Variants in DDOST observed in about 807,000 individuals in gnomAD.
The protein encoded by DDOST is dolichyl-diphosphooligosaccharide--protein glycosyltransferase non-catalytic subunit.
Under a neutral mutation model 47.6 loss-of-function variants are expected in DDOST, and 25 were observed. The observed-to-expected ratio is 0.53, with a 90% CI of 0.38 to 0.73. The LOEUF (loss-of-function observed/expected upper bound fraction) is 0.73, where lower values mean the gene tolerates loss of function less well. Among genes scored for constraint, DDOST ranks in the 30% least tolerant of loss-of-function variants. The probability of loss-of-function intolerance (pLI) is 0.00; values close to 1 mark genes in which losing one functional copy is unlikely to be tolerated. For synonymous variants in DDOST, 275 were observed against 236.0 expected (o/e 1.17, Z -1.51); for missense variants, 526 against 573.9 (o/e 0.92, Z 0.85).
Position 20,652,173 on chromosome 1 carries a change from C to A in DDOST, c.*206G>T, listed in dbSNP as rs2154534164. The A allele has an allele frequency of 8.0e-6, 4 of 499,930 alleles. No homozygotes were observed. The South Asian group carries it at 1.3e-4, about 16-fold the overall frequency. 31.0% of individuals were successfully genotyped at this position (499,930 alleles called of 1,614,324 possible). On this transcript the variant is annotated 3_prime_UTR_variant, in exon 11 of 11. Coordinates refer to ENST00000602624, the MANE Select transcript of DDOST (RefSeq NM_005216.5). Reference sequence around the variant, plus strand: ...GGAGTGACTGCACATAGGAAAAATGCCACTTTTAGCAATTCAAAGTGGAAA... The same window carrying A: ...GGAGTGACTGCACATAGGAAAAATGACACTTTTAGCAATTCAAAGTGGAAA...
At chr1:20,657,596 A>G (rs2154534337) in intron 2 of DDOST, among the ~76,000 whole-genome samples, 1 of 152,294 alleles carries the variant, frequency 6.6e-6, no homozygotes, top group Admixed American at 6.5e-5. Flanking sequence ...AACCGGAAGG[A>G]CGGACATGCC....
At position 20,661,334 on chromosome 1, in the gene DDOST, G is replaced by A; in HGVS notation, c.17C>T (p.Ala6Val). The A allele has an allele frequency of 6.2e-7, 1 of 1,613,334 alleles. No individual in the cohort carries two copies. Among genetic ancestry groups the A allele is most frequent in the Non-Finnish European group, 8.5e-7 (1 of 1,179,916 alleles). The change falls in exon 1 of 11, where the codon GCG becomes GTG. Residue 6 changes from alanine (A) to valine (V), a missense_variant. By Grantham distance (64) the Ala-to-Val change is moderately conservative. Transcript: ENST00000602624. ...CCAAAAGAGGGCCCAAGCCCGGGCCGCGGTGCTGGGCTCCATCTTCCTCCT... is the reference window on the plus strand; with the variant it reads ...CCAAAAGAGGGCCCAAGCCCGGGCCACGGTGCTGGGCTCCATCTTCCTCCT... MEPST[A>V]ARAWALFWLL...
chr1:20,652,766 C>T, intron 9 of DDOST, 39 bp from the exon 10 acceptor site: 1 of 1,613,806 alleles, frequency 6.2e-7, no homozygotes, highest in Non-Finnish European at 8.5e-7. Flanking sequence ...GAGGGGTTTC[C>T]CAGAGCTTTT....
chr1:20,655,713 A>G lies in DDOST; in HGVS notation c.419T>C (p.Ile140Thr), dbSNP rs376317784. The G allele has an allele frequency of 1.9e-4, 309 of 1,614,066 alleles. No individual in the cohort carries two copies. Among genetic ancestry groups the G allele is most frequent in the Non-Finnish European group, 2.4e-4 (279 of 1,180,030 alleles). ...TGAGATGTCATAGTTGTGATGGTCA[A>G]TGACAGCCGTTTTCTCCTCGTCAAA... ...IEFDEEKTAV[I>T]DHHNYDISDL... Residue 140 changes from isoleucine (I) to threonine (T), a missense_variant, in exon 4 of 11, where the codon ATT becomes ACT. Coordinates refer to ENST00000602624, the MANE Select transcript of DDOST (RefSeq NM_005216.5).
At position 20,655,522 on chromosome 1, in the gene DDOST, C is replaced by T. The variant is rs1169164301; in HGVS notation, c.469G>A (p.Val157Met). Residue 157 changes from valine (V) to methionine (M), a missense_variant, in exon 5 of 11, where the codon GTG becomes ATG. Transcript: ENST00000602624. ...TTCAGCAGGTTCTCAGTGTCAGCCA[C>T]GATGAGCGTATGCTGCAAAGAGTAG... ...ISDLGQHTLI[V>M]ADTENLLKAP... 4 of 1,613,948 alleles carry T rather than the reference C, an allele frequency of 2.5e-6. No homozygotes were observed. The highest frequency in any genetic ancestry group is 1.1e-5 in the South Asian group (1 of 91,078).
chr1:20,658,127 G>A (rs370545556), intron 2 of DDOST, among the ~76,000 whole-genome samples: 10 of 152,224 alleles, frequency 6.6e-5, no homozygotes, highest in East Asian at 1.9e-4. Flanking sequence ...GAGACCACCT[G>A]GAGTTAAAAC....
At position 20,654,308 on chromosome 1, in the gene DDOST, G is replaced by A. The variant is rs748804145; in HGVS notation, c.709C>T (p.Arg237Cys). 9 of 1,554,690 alleles carry A rather than the reference G, an allele frequency of 5.8e-6. No individual in the cohort carries two copies. The highest frequency in any genetic ancestry group is 1.9e-5 in the Admixed American group (1 of 51,490). Residue 237 changes from arginine to cysteine, a missense_variant, in exon 7 of 11, where the codon CGC (arginine) becomes TGC (cysteine). Transcript: ENST00000602624. Reference sequence around the variant, plus strand: ...TCGAGGGAGCCGCTGAAGATGACGCGGGCATTGTTCCTGGCCTGGAGCCCA... The same window carrying A: ...TCGAGGGAGCCGCTGAAGATGACGCAGGCATTGTTCCTGGCCTGGAGCCCA... ...IAGLQARNNA[R>C]VIFSGSLDFF...
chr1:20,656,102 A>C lies in DDOST; in HGVS notation c.351T>G (p.Ile117Met). The change falls in exon 3 of 11, where the codon ATT becomes ATG. Residue 117 changes from isoleucine (I) to methionine (M), a missense_variant and splice_region_variant. Physicochemically the swap from Ile to Met is conservative, Grantham distance 10. Transcript: ENST00000602624. ...CAGAACCTCCCAGGTCGGACTCACCAATGTCGGAGCTGGCAGCTACCAGCA... is the reference window on the plus strand; with the variant it reads ...CAGAACCTCCCAGGTCGGACTCACCCATGTCGGAGCTGGCAGCTACCAGCA... ...GSVLVAASSD[I>M]GDPLRELGSE... 1 of 1,613,350 alleles carries C rather than the reference A, an allele frequency of 6.2e-7. No individual in the cohort carries two copies. Among genetic ancestry groups the C allele is most frequent in the African/African-American group, 1.3e-5 (1 of 75,028 alleles).
chr1:20,658,856 C>CT (rs112536606), intron 2 of DDOST, among the ~76,000 whole-genome samples: 3,187 of 132,792 alleles, frequency 0.024, 117 homozygotes, highest in African/African-American at 0.074. Context: ...TTTCTCTTTT[C>CT]TTTTTTTTTT....
chr1:20,660,043 TAAAG>T (rs2053418650), intron 2 of DDOST, among the ~76,000 whole-genome samples: 2 of 151,666 alleles, frequency 1.3e-5, no homozygotes, highest in African/African-American at 2.4e-5. Flanking sequence ...CTGAAGCAAA[TAAAG>T]AAGAGAATGA....
At chr1:20,655,321 A>C (rs1412593101) in intron 5 of DDOST, 119 bp downstream of exon 5, 14 of 740,874 alleles carry the variant, frequency 1.9e-5, no homozygotes, top group Non-Finnish European at 2.6e-5. Flanking sequence ...TTGATATAAC[A>C]AATTAATCCC....
chr1:20,657,526 G>A (rs930573291), intron 2 of DDOST, among the ~76,000 whole-genome samples: 4 of 152,158 alleles, frequency 2.6e-5, no homozygotes, highest in Non-Finnish European at 4.4e-5. Context: ...TGGCACAGCC[G>A]CAGGGCCTGC....
intron 5 of DDOST, among the ~76,000 whole-genome samples, chr1:20,655,094 G>A (rs1305381835): frequency 3.4e-4 from 52 of 151,870 alleles, no homozygotes; most frequent in Admixed American, 3.0e-3. Flanking sequence ...GCCTGACCTC[G>A]GGTGATCTGC....
At chr1:20,660,336 C>T (rs1570418867) in intron 2 of DDOST, 1 of 152,706 alleles carries the variant, frequency 6.5e-6, no homozygotes, top group East Asian at 1.9e-4. Flanking sequence ...ACTGGATAAT[C>T]TGGCCAAGAT....
At position 20,652,493 on chromosome 1, in the gene DDOST, C is replaced by G; in HGVS notation, c.1206G>C (p.Glu402Asp). 1.2e-6 allele frequency: 2 copies of G among 1,614,010 alleles called. No individual in the cohort carries two copies. Among genetic ancestry groups the G allele is most frequent in the South Asian group, 2.2e-5 (2 of 91,088 alleles). ...SVRPLQHTQY[E>D]RFIPSAYPYY... ...AGGGGTAGGCCGAGGGGATGAAGCG[C>G]TCATACTGCGTGTGCTGGAGTGGCC... Residue 402 changes from glutamate to aspartate, a missense_variant, in exon 11 of 11, where the codon GAG (glutamate) becomes GAC (aspartate). Transcript: ENST00000602624.
rs567409792 is a variant in DDOST, at chr1:20,653,498, T to C, written c.942+129A>G. On this transcript the variant is annotated intron_variant, in intron 8 of 10. Coordinates refer to ENST00000602624, the MANE Select transcript of DDOST (RefSeq NM_005216.5). ...GCATCTCACCTGGCATGCTTAGGTG[T>C]AGGGATTAACTTATTCATCTTTATT... The C allele has an allele frequency of 2.0e-5, 19 of 954,330 alleles. No individual in the cohort carries two copies. In the East Asian group the frequency reaches 4.0e-4, roughly 20 times the overall value. The allele number at this position is 954,330 out of a possible 1,614,324, so 59.1% of individuals were successfully genotyped here.
chr1:20,654,130 A>G (rs990901453), intron 7 of DDOST, 93 bp downstream of exon 7: 114 of 1,413,468 alleles, frequency 8.1e-5, no homozygotes, highest in Non-Finnish European at 1.0e-4. Flanking sequence ...TGACACTTTT[A>G]GCTAAAAGCC....
intron 2 of DDOST, among the ~76,000 whole-genome samples, chr1:20,657,943 C>T (rs555297287): frequency 2.6e-4 from 40 of 151,928 alleles, no homozygotes; most frequent in Admixed American, 1.8e-3. Flanking sequence ...GACATTTCTT[C>T]GCCGTCACAT....
Position 20,653,813 on chromosome 1 carries a change from C to CA in DDOST, c.795-40dup, listed in dbSNP as rs2053328566. On this transcript the variant is annotated intron_variant, in intron 7 of 10. Transcript: ENST00000602624. ...ACAGGAGCAGCTTGGGCACCAGAGC[C>CA]ACCTTTCCAGTGGTGCCTGATGGGC... 4 of 1,597,646 alleles carry CA rather than the reference C, an allele frequency of 2.5e-6. No homozygotes were observed. The South Asian group carries it at 4.5e-5, about 18-fold the overall frequency.
Sources: allele counts gnomAD v4.1 joint callset (sites outside exome capture counted in the v4.1 genomes callset), GRCh38; gene constraint gnomAD v4.1.1; transcripts MANE v1.5; gene names NCBI Gene and HGNC (gene_info 2026-07-23, HGNC 2026-07-21).